Variants in LCK observed in about 807,000 individuals in gnomAD.
LCK encodes the protein LCK proto-oncogene, Src family tyrosine kinase.
Under a neutral mutation model 64.6 loss-of-function variants are expected in LCK, and 14 were observed. The ratio of observed to expected loss-of-function variants is 0.22; its 90% CI spans 0.14 to 0.34. The LOEUF (loss-of-function observed/expected upper bound fraction) is 0.34. LCK is among the 10% of genes least tolerant of loss of function. The probability of loss-of-function intolerance (pLI) is 1.00; values close to 1 mark genes in which losing one functional copy is unlikely to be tolerated. For synonymous variants in LCK, 277 were observed against 263.6 expected (o/e 1.05, Z -0.49); for missense variants, 434 against 668.1 (o/e 0.65, Z 3.86).
chr1:32,254,162 G>A (rs1639574486), intron 1 of LCK, among the ~76,000 whole-genome samples: 1 of 152,148 alleles, frequency 6.6e-6, no homozygotes, highest in Non-Finnish European at 1.5e-5. Context: ...GTTTGAGGCT[G>A]CAGTGAGCTG....
At chr1:32,263,474 T>C (rs1310230214) in intron 1 of LCK, among the ~76,000 whole-genome samples, 1 of 151,878 alleles carries the variant, frequency 6.6e-6, no homozygotes, top group Non-Finnish European at 1.5e-5. Flanking sequence ...TGGTGGCCCA[T>C]GCCTGCCATC....
At chr1:32,265,488 TG>T (rs1382800727) in intron 1 of LCK, among the ~76,000 whole-genome samples, 1 of 152,194 alleles carries the variant, frequency 6.6e-6, no homozygotes, top group African/African-American at 2.4e-5. Flanking sequence ...CACCTGTAGC[TG>T]GGGGGCCATA....
Position 32,275,287 on chromosome 1 carries a change from G to A in LCK, c.279-34G>A, listed in dbSNP as rs778932130. 2 of 1,607,350 alleles carry A rather than the reference G, an allele frequency of 1.2e-6. No individual in the cohort carries two copies. Among genetic ancestry groups the A allele is most frequent in the Admixed American group, 3.3e-5 (2 of 59,956 alleles). ...GAGGGAGGGTCTCAGGTCGACGGCTGAGCGAGCCACACTGACCCACCTCCG... is the reference window on the plus strand; with the variant it reads ...GAGGGAGGGTCTCAGGTCGACGGCTAAGCGAGCCACACTGACCCACCTCCG... On this transcript the variant is annotated intron_variant, in intron 4 of 12. Coordinates refer to ENST00000336890, the MANE Select transcript of LCK (RefSeq NM_005356.5). The surrounding 1 kb of genome is among the most constrained non-coding windows in gnomAD (Gnocchi z 6.9).
Position 32,251,273 on chromosome 1 carries a change from T to A in LCK, c.-104T>A, listed in dbSNP as rs1262477276. 6.6e-6 allele frequency: 1 copy of A among 152,118 alleles called. No individual in the cohort carries two copies. Among genetic ancestry groups the A allele is most frequent in the African/African-American group, 2.4e-5 (1 of 41,232 alleles). 9.4% of individuals were successfully genotyped at this position (152,118 alleles called of 1,614,324 possible). A position where few individuals can be genotyped will look rare whatever the true frequency, so the allele number is the denominator to read the frequency against. On this transcript the variant is annotated 5_prime_UTR_variant, in exon 1 of 13. Coordinates refer to ENST00000336890, the MANE Select transcript of LCK (RefSeq NM_005356.5). This position sits in a 1 kb window ranked among gnomAD's most constrained non-coding sequence, Gnocchi z 4.0. ...TGGGACGTGGGCGCGGGGAGACAGG[T>A]GGTGGCTACGACGGCGAAGGGAGCT... is the stretch of plus-strand genomic sequence containing the variant.
chr1:32,275,562 T>C lies in LCK; in HGVS notation c.378-7T>C. ...CGACGGCCTTCGTTCGCTTCCGCCC[T>C]GCACAGCTGGTTCTTCAAGAACCTG... On this transcript the variant is annotated splice_region_variant and splice_polypyrimidine_tract_variant and intron_variant, in intron 5 of 12. Coordinates refer to ENST00000336890, the MANE Select transcript of LCK (RefSeq NM_005356.5). The surrounding 1 kb of genome is among the most constrained non-coding windows in gnomAD (Gnocchi z 6.9). 1 of 1,565,924 alleles carries C rather than the reference T, an allele frequency of 6.4e-7. No individual in the cohort carries two copies. Among genetic ancestry groups the C allele is most frequent in the Non-Finnish European group, 8.7e-7 (1 of 1,155,008 alleles).
chr1:32,275,578 C>T lies in LCK; in HGVS notation c.387C>T (p.Phe129=), dbSNP rs1640236589. The change falls in exon 6 of 13, where the codon TTC becomes TTT. Residue 129 remains phenylalanine, a synonymous_variant. Coordinates refer to ENST00000336890, the MANE Select transcript of LCK (RefSeq NM_005356.5). The surrounding 1 kb of genome is among the most constrained non-coding windows in gnomAD (Gnocchi z 6.9). ...ANSLEPEPWF[F]KNLSRKDAER... ...CTTCCGCCCTGCACAGCTGGTTCTT[C>T]AAGAACCTGAGCCGCAAGGACGCGG... 1.3e-6 allele frequency: 2 copies of T among 1,569,618 alleles called. No individual in the cohort carries two copies. The highest frequency in any genetic ancestry group is 2.3e-5 in the South Asian group (2 of 85,970).
chr1:32,279,949 G>A lies in LCK; in HGVS notation c.1150G>A (p.Gly384Ser). Reference sequence around the variant, plus strand: ...CCTGAGCTGCAAGATTGCAGACTTTGGCCTAGCACGCCTCATTGAGGACAA... The same window carrying A: ...CCTGAGCTGCAAGATTGCAGACTTTAGCCTAGCACGCCTCATTGAGGACAA... The part of the protein sequence containing the change: ...DTLSCKIADF[G>S]LARLIEDNEY... The change falls in exon 11 of 13, where the codon GGC becomes AGC. Residue 384 changes from glycine (G) to serine (S), a missense_variant. By Grantham distance (56) the Gly-to-Ser change is moderately conservative (BLOSUM62 0). Transcript: ENST00000336890. The A allele has an allele frequency of 6.2e-7, 1 of 1,614,176 alleles. No individual in the cohort carries two copies. The highest frequency in any genetic ancestry group is 8.5e-7 in the Non-Finnish European group (1 of 1,180,034).
chr1:32,253,316 C>T (rs1459834890), intron 1 of LCK, among the ~76,000 whole-genome samples: 2 of 152,090 alleles, frequency 1.3e-5, no homozygotes, highest in Non-Finnish European at 2.9e-5. Flanking sequence ...GAGCAGAGAT[C>T]GAGTCATTGC....
At chr1:32,268,829 A>G (rs1349917568) in intron 1 of LCK, among the ~76,000 whole-genome samples, 2 of 150,248 alleles carry the variant, frequency 1.3e-5, no homozygotes, top group African/African-American at 4.9e-5. Flanking sequence ...AAAAAAAAAA[A>G]GAAAAGAAAA....
Position 32,275,930 on chromosome 1 carries a change from G to C in LCK, c.498G>C (p.Ser166=). 6.2e-7 allele frequency: 1 copy of C among 1,614,112 alleles called. No homozygotes were observed. Among genetic ancestry groups the C allele is most frequent in the Non-Finnish European group, 8.5e-7 (1 of 1,180,010 alleles). Reference sequence around the variant, plus strand: ...TTCATTCAGGATCGTTTTCACTGTCGGTCCGGGACTTCGACCAGAACCAGG... The same window carrying C: ...TTCATTCAGGATCGTTTTCACTGTCCGTCCGGGACTTCGACCAGAACCAGG... The part of the protein sequence containing the change: ...SESTAGSFSL[S]VRDFDQNQGE... Residue 166 remains serine, a synonymous_variant, in exon 7 of 13, where the codon TCG becomes TCC. Transcript: ENST00000336890. The surrounding 1 kb of genome is among the most constrained non-coding windows in gnomAD (Gnocchi z 6.9).
intron 1 of LCK, among the ~76,000 whole-genome samples, chr1:32,256,054 G>T (rs1179261951): frequency 1.3e-5 from 2 of 151,950 alleles, no homozygotes; most frequent in East Asian, 3.9e-4. Context: ...GATCTCTTGA[G>T]ACTAGGCATT....
chr1:32,274,271 T>C (rs777201725), intron 1 of LCK, 54 bp from the exon 2 acceptor site: 2 of 1,613,130 alleles, frequency 1.2e-6, no homozygotes, highest in Non-Finnish European at 1.7e-6. Context: ...ATATCTGATG[T>C]TGGGGGAGCA....
Position 32,276,337 on chromosome 1 carries a change from A to G in LCK, c.632A>G (p.Asn211Ser). Residue 211 changes from asparagine (N) to serine (S), a missense_variant and splice_region_variant, in exon 8 of 13, where the codon AAT becomes AGT. Asn to Ser is a conservative substitution (Grantham distance 46). Coordinates refer to ENST00000336890, the MANE Select transcript of LCK (RefSeq NM_005356.5). This position sits in a 1 kb window ranked among gnomAD's most constrained non-coding sequence, Gnocchi z 4.6. ...CTTCACCCCTCCCTCGTCCTCGCAG[A>G]TGCTTCAGATGGGCTGTGCACACGG... is the stretch of plus-strand genomic sequence containing the variant. ...GLHELVRHYT[N>S]ASDGLCTRLS... is the part of the protein sequence containing the mutation. 1.9e-6 allele frequency: 3 copies of G among 1,575,794 alleles called. No individual in the cohort carries two copies. The highest frequency in any genetic ancestry group is 2.6e-6 in the Non-Finnish European group (3 of 1,163,862).
chr1:32,256,734 A>G (rs1180119595), intron 1 of LCK, among the ~76,000 whole-genome samples: 1 of 152,230 alleles, frequency 6.6e-6, no homozygotes, highest in Non-Finnish European at 1.5e-5. Flanking sequence ...ATCCACAAGC[A>G]GCAGCCTAAG....
intron 1 of LCK, among the ~76,000 whole-genome samples, chr1:32,253,435 C>T (rs1001615287): frequency 1.3e-5 from 2 of 152,174 alleles, no homozygotes; most frequent in African/African-American, 4.8e-5. Flanking sequence ...ACAGGCGCGC[C>T]ACCATGCCCA....
In LCK at chr1:32,286,078, CT is replaced by C; in HGVS notation, c.*365del. The stretch of plus-strand genomic sequence containing the variant: ...TCCAGAAGTTCCTCAAGGGCCAGGA[CT>C]TTATCTAATACCTCTGTGTGCTCCT... On this transcript the variant is annotated 3_prime_UTR_variant, in exon 13 of 13. Transcript: ENST00000336890. The C allele has an allele frequency of 2.7e-6, 1 of 369,690 alleles. No homozygotes were observed. The highest frequency in any genetic ancestry group is 5.0e-6 in the Non-Finnish European group (1 of 198,054). 22.9% of individuals were successfully genotyped at this position (369,690 alleles called of 1,614,324 possible).
rs764942817 is a variant in LCK, at chr1:32,275,662, G to A, written c.471G>A (p.Glu157=). 6.4e-7 allele frequency: 1 copy of A among 1,563,862 alleles called. No individual in the cohort carries two copies. Among genetic ancestry groups the A allele is most frequent in the Non-Finnish European group, 8.7e-7 (1 of 1,155,788 alleles). The change falls in exon 6 of 13, where the codon GAG becomes GAA. Residue 157 remains glutamate (E), a synonymous_variant. Transcript: ENST00000336890. This position sits in a 1 kb window ranked among gnomAD's most constrained non-coding sequence, Gnocchi z 6.9. ...GCTCCTTCCTCATCCGGGAGAGCGA[G>A]AGCACCGCGGGTGAGCGGGCGGCGG... ...THGSFLIRES[E]STAGSFSLSV...
chr1:32,262,644 G>A (rs181022634), intron 1 of LCK, among the ~76,000 whole-genome samples: 1 of 150,694 alleles, frequency 6.6e-6, no homozygotes. Flanking sequence ...GGCTGCTCTC[G>A]AACTCCTGGG....
intron 9 of LCK, chr1:32,279,438 T>C (rs1305796901): frequency 9.4e-6 from 6 of 639,972 alleles, no homozygotes; most frequent in Admixed American, 6.0e-5. Flanking sequence ...TTCTACCTTA[T>C]TGGTGATGAA....
Sources: allele counts gnomAD v4.1 joint callset (sites outside exome capture counted in the v4.1 genomes callset), GRCh38; gene constraint gnomAD v4.1.1; non-coding constraint Gnocchi (gnomAD v3.1); transcripts MANE v1.5; gene names NCBI Gene and HGNC (gene_info 2026-07-23, HGNC 2026-07-21).